RBFOX1: variants seen among roughly 807,000 people sequenced by gnomAD.
The protein encoded by RBFOX1 is RNA binding fox-1 homolog 1, also known as RNA binding protein fox-1 homolog 1.
A neutral mutation model predicts 57.7 loss-of-function variants in RBFOX1; 8 were observed. The observed-to-expected ratio is 0.14, with a 90% CI of 0.08 to 0.25. The LOEUF (loss-of-function observed/expected upper bound fraction) is 0.25, where lower values mean the gene tolerates loss of function less well. Among genes scored for constraint, RBFOX1 ranks in the 10% least tolerant of loss-of-function variants. RBFOX1 has a pLI of 1.00. For missense variants in RBFOX1, 611 were observed against 548.5 expected, an observed-to-expected ratio of 1.11 and a Z score of -1.14; for synonymous variants, 326 against 222.4, an observed-to-expected ratio of 1.47 and a Z score of -4.15.
At chr16:6,460,477 G>A (rs1023430152) in intron 2 of RBFOX1, among the ~76,000 whole-genome samples, 1 of 151,362 alleles carries the variant, frequency 6.6e-6, no homozygotes, top group Non-Finnish European at 1.5e-5. Context: ...ACATACATGC[G>A]GCCAAACATA....
intron 1 of RBFOX1, among the ~76,000 whole-genome samples, chr16:6,112,417 A>G (rs922049605): frequency 5.3e-5 from 8 of 152,206 alleles, no homozygotes; most frequent in Non-Finnish European, 1.2e-4. Context: ...GAGGCTGGGC[A>G]CGGTGACTCA....
rs11863756 is a variant in RBFOX1 at position 5,492,292 on chromosome 16, C to A, written c.258+25038C>A. Among the ~76,000 whole-genome samples, 300 of 152,280 alleles carry A rather than the reference C, an allele frequency of 2.0e-3. 1 individual carries two copies. Among genetic ancestry groups the A allele is most frequent in the African/African-American group, 6.8e-3 (284 of 41,554 alleles). On this transcript the variant is annotated intron_variant, in intron 2 of 2. Transcript: ENST00000585867. ...ACCTGTTTTTCCCAATTCTAAATAA[C>A]CTTTTCAGGCCTATTTATTTAATGC... is the stretch of plus-strand genomic sequence containing the variant.
At chr16:6,582,796 T>C (rs2097555085) in intron 2 of RBFOX1, among the ~76,000 whole-genome samples, 1 of 150,624 alleles carries the variant, frequency 6.6e-6, no homozygotes, top group Non-Finnish European at 1.5e-5. Context: ...CCCTCCCCTT[T>C]CCTAGCTTCC....
chr16:5,544,820 A>G (rs1433664261), intron 2 of RBFOX1, among the ~76,000 whole-genome samples: 1 of 152,208 alleles, frequency 6.6e-6, no homozygotes, highest in African/African-American at 2.4e-5. Context: ...CTTGGAAGAT[A>G]TAAACTGCTA....
rs139435556 is a variant in RBFOX1 at position 6,797,227 on chromosome 16, C to A, written c.-16+142577C>A. ...TACTAAGGAATCTGTCCAAATTGGCCGTGCCTTTGATGGATATTGTTATTC... is the reference window on the plus strand; with the variant it reads ...TACTAAGGAATCTGTCCAAATTGGCAGTGCCTTTGATGGATATTGTTATTC... On this transcript the variant is annotated intron_variant, in intron 3 of 15. Coordinates refer to ENST00000550418, the MANE Select transcript of RBFOX1 (RefSeq NM_018723.4). Among the ~76,000 whole-genome samples, 527 of 152,218 alleles carry A rather than the reference C, an allele frequency of 3.5e-3. 5 individuals carry two copies. Among genetic ancestry groups the A allele is most frequent in the African/African-American group, 0.012 (504 of 41,514 alleles).
intron 2 of RBFOX1, among the ~76,000 whole-genome samples, chr16:6,618,963 G>A (rs1406643465): frequency 6.6e-6 from 1 of 152,166 alleles, no homozygotes; most frequent in South Asian, 2.1e-4. Flanking sequence ...GAATGCAAAA[G>A]GGTTATTTAT....
intron 4 of RBFOX1, among the ~76,000 whole-genome samples, chr16:7,308,586 T>C (rs559767947): frequency 6.6e-6 from 1 of 152,288 alleles, no homozygotes; most frequent in East Asian, 1.9e-4. Flanking sequence ...TCCATGTGGT[T>C]TGTTTTAAGT....
intron 3 of RBFOX1, among the ~76,000 whole-genome samples, chr16:7,022,855 C>T (rs921879648): frequency 6.6e-6 from 1 of 152,142 alleles, no homozygotes; most frequent in African/African-American, 2.4e-5. Context: ...AGAATTTGAA[C>T]AACTGCCTCC....
chr16:5,594,817 T>C (rs1467347867), intron 2 of RBFOX1, among the ~76,000 whole-genome samples: 3 of 151,924 alleles, frequency 2.0e-5, no homozygotes, highest in Non-Finnish European at 2.9e-5. Flanking sequence ...CTTTTACATG[T>C]CTATGTAAGT....
chr16:5,469,996 GT>G (rs1281014501), intron 2 of RBFOX1, among the ~76,000 whole-genome samples: 1 of 152,142 alleles, frequency 6.6e-6, no homozygotes, highest in Non-Finnish European at 1.5e-5. Context: ...CCTGTTTTTG[GT>G]TCTTGTGGGT....
chr16:6,901,158 C>A (rs181865569), intron 3 of RBFOX1, among the ~76,000 whole-genome samples: 1 of 152,108 alleles, frequency 6.6e-6, no homozygotes, highest in Non-Finnish European at 1.5e-5. Context: ...TTTCATGTCT[C>A]CCATCCTAGT....
intron 1 of RBFOX1, among the ~76,000 whole-genome samples, chr16:6,022,222 C>G (rs1030597259): frequency 6.6e-6 from 1 of 150,674 alleles, no homozygotes; most frequent in Non-Finnish European, 1.5e-5. Flanking sequence ...CTCCTTGGCC[C>G]CCTGGGATGA....
intron 3 of RBFOX1, among the ~76,000 whole-genome samples, chr16:7,016,274 C>G (rs542021943): frequency 6.6e-6 from 1 of 152,086 alleles, no homozygotes; most frequent in East Asian, 1.9e-4. Context: ...AGATCTGTCT[C>G]GGACATGTGG....
At chr16:6,767,461 C>T (rs113136225) in intron 3 of RBFOX1, among the ~76,000 whole-genome samples, 5 of 152,276 alleles carry the variant, frequency 3.3e-5, no homozygotes, top group Admixed American at 1.3e-4. Context: ...AGGTTTTTCA[C>T]TTATGTGAAC....
chr16:5,609,853 C>A (rs61461845), intron 3 of RBFOX1, among the ~76,000 whole-genome samples: 3,476 of 128,452 alleles, frequency 0.027, 78 homozygotes, highest in East Asian at 0.082. Context: ...GGGTGGGGAG[C>A]AGAGGACTGT....
At chr16:7,071,587 A>ATGTGTG (rs60039723) in intron 4 of RBFOX1, among the ~76,000 whole-genome samples, 74 of 148,052 alleles carry the variant, frequency 5.0e-4, no homozygotes, top group African/African-American at 1.6e-3. Flanking sequence ...TTGCCCAGAT[A>ATGTGTG]TGTGTGTGTG....
chr16:7,195,589 A>G (rs897644028), intron 4 of RBFOX1, among the ~76,000 whole-genome samples: 1 of 151,858 alleles, frequency 6.6e-6, no homozygotes, highest in African/African-American at 2.4e-5. Flanking sequence ...ACAGAGTCCA[A>G]CTCTCTTGCC....
chr16:6,263,219 C>G (rs1417386577), intron 1 of RBFOX1, among the ~76,000 whole-genome samples: 1 of 152,090 alleles, frequency 6.6e-6, no homozygotes, highest in South Asian at 2.1e-4. Flanking sequence ...TTCTGCTTCC[C>G]CAGGAATTTT....
At chr16:7,004,770 T>C (rs569324616) in intron 3 of RBFOX1, among the ~76,000 whole-genome samples, 20 of 152,320 alleles carry the variant, frequency 1.3e-4, no homozygotes, top group Non-Finnish European at 2.8e-4. Context: ...GGATTGGCTG[T>C]ACCAGATTAA....
Sources: gnomAD v4.1 joint callset for allele counts (sites outside exome capture counted in the v4.1 genomes callset) on GRCh38, gnomAD v4.1.1 for gene constraint, MANE v1.5 for transcripts, NCBI Gene and HGNC (gene_info 2026-07-23, HGNC 2026-07-21) for gene names.